MGMT: variants seen among roughly 807,000 people sequenced by gnomAD.
The protein encoded by MGMT is methylated-DNA--protein-cysteine methyltransferase.
MGMT carries 14 observed loss-of-function variants against 15.9 expected under a neutral mutation model. That is an observed-to-expected ratio of 0.88 (90% CI 0.58 to 1.37). The LOEUF (loss-of-function observed/expected upper bound fraction) is 1.37. Ranked by LOEUF, MGMT falls within the 40% of genes most tolerant of loss-of-function variation. MGMT has a pLI of 0.00. For synonymous variants in MGMT, 130 were observed against 118.2 expected (o/e 1.10, Z -0.65); for missense variants, 282 against 268.1 (o/e 1.05, Z -0.36).
intron 2 of MGMT, among the ~76,000 whole-genome samples, chr10:129,699,529 A>G (rs1407150059): frequency 1.3e-5 from 2 of 152,188 alleles, no homozygotes; most frequent in African/African-American, 4.8e-5. Flanking sequence ...TTAATTTTAA[A>G]TGGCCTCTTT....
At chr10:129,482,167 T>A (rs1242837314) in intron 1 of MGMT, among the ~76,000 whole-genome samples, 1 of 152,218 alleles carries the variant, frequency 6.6e-6, no homozygotes, top group East Asian at 1.9e-4. Flanking sequence ...CTTGGGTTAT[T>A]TATTAGTACA....
chr10:129,738,393 A>G (rs1848591030), intron 3 of MGMT, among the ~76,000 whole-genome samples: 1 of 152,216 alleles, frequency 6.6e-6, no homozygotes, highest in African/African-American at 2.4e-5. Context: ...GAGTGAGGCA[A>G]TGCCTCGCCC....
At chr10:129,536,604 TTCCCTTCATACCCTTTCATTAGTA>T in intron 2 of MGMT, 1 of 501,626 alleles carries the variant, frequency 2.0e-6, no homozygotes, top group South Asian at 3.2e-5. Context: ...CCCAGGGCCG[TTCCCTTCATACCCTTTCATTAGTA>T]GCTCTAAGAT....
At chr10:129,646,755 T>TATATATATATATATATA (rs375027874) in intron 2 of MGMT, among the ~76,000 whole-genome samples, 18 of 78,488 alleles carry the variant, frequency 2.3e-4, no homozygotes, top group South Asian at 3.7e-4. Context: ...TATATATATA[T>TATATATATATATATATA]TTTCAGGGAA....
At position 129,491,997 on chromosome 10, in the gene MGMT, T is replaced by A. The variant is rs1014879895; in HGVS notation, c.-13+24701T>A. Among the ~76,000 whole-genome samples the A allele has an allele frequency of 2.6e-5, 4 of 152,172 alleles. No homozygotes were observed. In the East Asian group the frequency reaches 7.7e-4, roughly 29 times the overall value. The stretch of plus-strand genomic sequence containing the variant: ...TTATTAAATACATGTTTTTGCTTTT[T>A]GCATGCTTTTAAAATTGTGAGTGTT... On this transcript the variant is annotated intron_variant, in intron 1 of 4. Coordinates refer to ENST00000651593, the MANE Select transcript of MGMT (RefSeq NM_002412.5).
chr10:129,744,665 C>A (rs964791107), intron 3 of MGMT, among the ~76,000 whole-genome samples: 1 of 152,220 alleles, frequency 6.6e-6, no homozygotes, highest in African/African-American at 2.4e-5. Context: ...GAGAGCCAGC[C>A]AGTGGGGCTG....
intron 2 of MGMT, among the ~76,000 whole-genome samples, chr10:129,632,379 G>A (rs1273066855): frequency 2.0e-5 from 3 of 152,210 alleles, no homozygotes; most frequent in Admixed American, 6.5e-5. Context: ...CCATGAGGCA[G>A]TGAGGCCACT....
At chr10:129,716,028 C>T (rs745702869) in intron 3 of MGMT, among the ~76,000 whole-genome samples, 6 of 152,198 alleles carry the variant, frequency 3.9e-5, no homozygotes, top group Non-Finnish European at 8.8e-5. Context: ...ATGGGAACAT[C>T]CTCAAGACAG....
chr10:129,651,541 A>G (rs939113851), intron 2 of MGMT, among the ~76,000 whole-genome samples: 1 of 152,174 alleles, frequency 6.6e-6, no homozygotes, highest in Non-Finnish European at 1.5e-5. Flanking sequence ...ATTTAGCCAG[A>G]TATATTTGTC....
At position 129,708,009 on chromosome 10, in the gene MGMT, C is replaced by T. The variant is rs41548114; in HGVS notation, c.240C>T (p.Pro80=). The T allele has an allele frequency of 3.5e-4, 566 of 1,613,734 alleles. No individual in the cohort carries two copies. Among genetic ancestry groups the T allele is most frequent in the Non-Finnish European group, 4.4e-4 (514 of 1,179,952 alleles). Residue 80 remains proline, a synonymous_variant, in exon 3 of 5, where the codon CCC becomes CCT. Transcript: ENST00000651593. The part of the protein sequence containing the change: ...FHQPEAIEEF[P]VPALHHPVFQ... ...AGCCCGAGGCTATCGAAGAGTTCCC[C>T]GTGCCGGCTCTTCACCATCCCGTTT...
chr10:129,675,445 G>T (rs7910123), intron 2 of MGMT, among the ~76,000 whole-genome samples: 109,780 of 152,006 alleles, frequency 0.72, 40,560 homozygotes, highest in African/African-American at 0.88. Context: ...AGTTAGGAGT[G>T]AAAACGAGGA....
Position 129,556,657 on chromosome 10 carries a change from A to G in MGMT, c.125+20280A>G, listed in dbSNP as rs369579347. Among the ~76,000 whole-genome samples, 32 of 152,322 alleles carry G rather than the reference A, an allele frequency of 2.1e-4. No homozygotes were observed. Among genetic ancestry groups the G allele is most frequent in the African/African-American group, 7.2e-4 (30 of 41,570 alleles). On this transcript the variant is annotated intron_variant, in intron 2 of 4. Coordinates refer to ENST00000651593, the MANE Select transcript of MGMT (RefSeq NM_002412.5). This position sits in a 1 kb window ranked among gnomAD's most constrained non-coding sequence, Gnocchi z 4.3. ...GCCATCCCAGACAGTGTTCATAAAC[A>G]CCGACGGCAAAGTCAGGACGGGCAG...
At chr10:129,643,572 G>A (rs1847352558) in intron 2 of MGMT, among the ~76,000 whole-genome samples, 1 of 152,156 alleles carries the variant, frequency 6.6e-6, no homozygotes, top group Non-Finnish European at 1.5e-5. Flanking sequence ...GGCGGGACAA[G>A]GACCCACACA....
chr10:129,705,813 GT>G (rs1386314127), intron 2 of MGMT, among the ~76,000 whole-genome samples: 1 of 152,182 alleles, frequency 6.6e-6, no homozygotes, highest in African/African-American at 2.4e-5. Context: ...GGGGAGACAG[GT>G]CCCCTTCTGC....
At chr10:129,467,651 A>C (rs1303830445) in intron 1 of MGMT, among the ~76,000 whole-genome samples, 3 of 152,204 alleles carry the variant, frequency 2.0e-5, no homozygotes, top group African/African-American at 7.2e-5. Context: ...TGCTCCAGGA[A>C]GCTTCCAGAA....
chr10:129,736,641 A>G (rs1848565861), intron 3 of MGMT, among the ~76,000 whole-genome samples: 1 of 152,118 alleles, frequency 6.6e-6, no homozygotes, highest in Non-Finnish European at 1.5e-5. Flanking sequence ...TAGTTGATGC[A>G]GTTTTTTCCT....
chr10:129,602,133 G>A (rs968521953), intron 2 of MGMT, among the ~76,000 whole-genome samples: 2 of 151,996 alleles, frequency 1.3e-5, no homozygotes, highest in Admixed American at 1.3e-4. Context: ...TGGTCTTTAG[G>A]GGAGAAATAT....
chr10:129,473,427 C>T (rs148687899), intron 1 of MGMT, among the ~76,000 whole-genome samples: 1 of 152,186 alleles, frequency 6.6e-6, no homozygotes. Flanking sequence ...CACCACCACC[C>T]CATGAAGGAG....
At chr10:129,638,446 G>GAAAAAAAAAAAAAAAAAAAAAAAAAAAA (rs1157292152) in intron 2 of MGMT, among the ~76,000 whole-genome samples, 17 of 96,326 alleles carry the variant, frequency 1.8e-4, no homozygotes, top group Non-Finnish European at 2.7e-4. Flanking sequence ...AAAAAAAAAA[G>GAAAAAAAAAAAAAAAAAAAAAAAAAAAA]AAAAAAAAAA....
Sources: gnomAD v4.1 joint callset for allele counts (sites outside exome capture counted in the v4.1 genomes callset) on GRCh38, gnomAD v4.1.1 for gene constraint, Gnocchi (gnomAD v3.1) non-coding constraint, MANE v1.5 for transcripts, NCBI Gene and HGNC (gene_info 2026-07-23, HGNC 2026-07-21) for gene names.